WDR64: variants seen among roughly 807,000 people sequenced by gnomAD.
WDR64 encodes the protein WD repeat domain 64.
A neutral mutation model predicts 139.3 loss-of-function variants in WDR64; 112 were observed. The observed-to-expected ratio is 0.80, with a 90% CI of 0.69 to 0.94. WDR64 has a LOEUF of 0.94. Ranked by LOEUF, WDR64 falls within the 40% of genes least tolerant of loss-of-function variation. The pLI is 0.00. For missense variants in WDR64, 1,206 were observed against 1,293.1 expected (o/e 0.93, Z 1.03); for synonymous variants, 444 against 437.7 (o/e 1.01, Z -0.18).
At chr1:241,667,840 A>T (rs1401626489) in intron 2 of WDR64, among the ~76,000 whole-genome samples, 1 of 152,262 alleles carries the variant, frequency 6.6e-6, no homozygotes, top group Non-Finnish European at 1.5e-5. Flanking sequence ...CTGACAGCCA[A>T]TAAGTGGAAA....
intron 22 of WDR64, among the ~76,000 whole-genome samples, chr1:241,780,876 T>A (rs1411578437): frequency 1.3e-5 from 2 of 152,168 alleles, no homozygotes; most frequent in African/African-American, 2.4e-5. Flanking sequence ...GGGGTTCTGA[T>A]TGCTAATCCA....
In WDR64 at chr1:241,660,674, A is replaced by G; in HGVS notation, c.276+14A>G. 1 of 1,544,832 alleles carries G rather than the reference A, an allele frequency of 6.5e-7. No homozygotes were observed. Among genetic ancestry groups the G allele is most frequent in the Non-Finnish European group, 8.7e-7 (1 of 1,144,594 alleles). On this transcript the variant is annotated intron_variant, in intron 2 of 27. Coordinates refer to ENST00000437684, the MANE Select transcript of WDR64 (RefSeq NM_001367482.1). ...GACTGGTGTGAGGTAGACTCATTTC[A>G]TGTTCATAATATGAAATCCAGGTAT...
intron 27 of WDR64, among the ~76,000 whole-genome samples, chr1:241,799,202 C>A (rs1371636970): frequency 3.3e-4 from 11 of 33,328 alleles, no homozygotes; most frequent in East Asian, 8.7e-4. Context: ...TTTGTCTCTC[C>A]AAAAAAAAAA....
intron 15 of WDR64, among the ~76,000 whole-genome samples, chr1:241,758,894 C>A (rs1222100001): frequency 6.6e-6 from 1 of 152,096 alleles, no homozygotes; most frequent in East Asian, 1.9e-4. Flanking sequence ...TATTTTTAGA[C>A]TTTTTCAATA....
At chr1:241,719,993 C>T (rs911297953) in intron 9 of WDR64, among the ~76,000 whole-genome samples, 2 of 152,110 alleles carry the variant, frequency 1.3e-5, no homozygotes, top group Non-Finnish European at 1.5e-5. Context: ...TGTTCCCCAC[C>T]GTGAGTCCAT....
At position 241,652,325 on chromosome 1, in the gene WDR64, T is replaced by A; in HGVS notation, c.-160T>A. 1 of 681,666 alleles carries A rather than the reference T, an allele frequency of 1.5e-6. No individual in the cohort carries two copies. The highest frequency in any genetic ancestry group is 2.1e-5 in the South Asian group (1 of 46,928). The allele number at this position is 681,666 out of a possible 1,614,324, so 42.2% of individuals were successfully genotyped here. On this transcript the variant is annotated 5_prime_UTR_variant, in exon 1 of 28. Coordinates refer to ENST00000437684, the MANE Select transcript of WDR64 (RefSeq NM_001367482.1). The stretch of plus-strand genomic sequence containing the variant: ...TCCCTGCTAACATCCTAGTGGCAAC[T>A]CTTACTCCTACCCGCACTATGGGAT...
chr1:241,688,682 C>A (rs1051427239), intron 8 of WDR64, among the ~76,000 whole-genome samples: 7 of 152,170 alleles, frequency 4.6e-5, no homozygotes, highest in African/African-American at 1.7e-4. Flanking sequence ...CTGGGAATCA[C>A]AACTTACTGG....
At chr1:241,722,780 C>T (rs1047771148) in intron 9 of WDR64, among the ~76,000 whole-genome samples, 3 of 152,074 alleles carry the variant, frequency 2.0e-5, no homozygotes, top group African/African-American at 7.2e-5. Context: ...CATATTTATT[C>T]TATGGTAGTA....
chr1:241,751,200 G>A (rs1471003425), intron 14 of WDR64, among the ~76,000 whole-genome samples: 1 of 152,164 alleles, frequency 6.6e-6, no homozygotes, highest in African/African-American at 2.4e-5. Context: ...AGTGTTGTGA[G>A]TGCTTTCACA....
rs2148117857 is a variant in WDR64 at position 241,687,513 on chromosome 1, G to A, written c.892G>A (p.Ala298Thr). 3 of 1,613,816 alleles carry A rather than the reference G, an allele frequency of 1.9e-6. No individual in the cohort carries two copies. The East Asian group carries it at 6.7e-5, about 36-fold the overall frequency. ...GGTTATGAAAATTAGATATATTTCAGCCCTAAATTGTTTTGGATCCTGCTC... is the reference window on the plus strand; with the variant it reads ...GGTTATGAAAATTAGATATATTTCAACCCTAAATTGTTTTGGATCCTGCTC... The part of the protein sequence containing the change: ...DWVMKIRYIS[A>T]LNCFGSCSLD... Residue 298 changes from alanine to threonine, a missense_variant, in exon 8 of 28, where the codon GCC (alanine) becomes ACC (threonine). Transcript: ENST00000437684.
chr1:241,736,909 T>G (rs556310356), intron 10 of WDR64, among the ~76,000 whole-genome samples: 1 of 152,344 alleles, frequency 6.6e-6, no homozygotes, highest in East Asian at 1.9e-4. Context: ...TCTCTTGTTC[T>G]TTTTGTCAGT....
chr1:241,766,113 G>T, intron 15 of WDR64, 105 bp from the exon 16 acceptor site: 1 of 1,025,692 alleles, frequency 9.7e-7, no homozygotes, highest in Non-Finnish European at 1.3e-6. Flanking sequence ...TATATAATAA[G>T]GCATTTTGTT....
chr1:241,786,710 C>T (rs7518141), intron 23 of WDR64, among the ~76,000 whole-genome samples: 1 of 152,184 alleles, frequency 6.6e-6, no homozygotes, highest in African/African-American at 2.4e-5. Context: ...AAGTAGCCAG[C>T]TGAGATACAG....
intron 13 of WDR64, 120 bp from the exon 14 acceptor site, chr1:241,749,427 A>G: frequency 8.5e-7 from 1 of 1,176,928 alleles, no homozygotes; most frequent in East Asian, 2.4e-5. Context: ...CTGAGTAGGG[A>G]ATAAATATAG....
chr1:241,741,697 A>G (rs769224234), intron 12 of WDR64, 33 bp downstream of exon 12: 19 of 1,542,790 alleles, frequency 1.2e-5, no homozygotes, highest in Non-Finnish European at 1.6e-5. Context: ...AACAGAAAAA[A>G]AGGCAATGCA....
At chr1:241,762,242 T>C (rs368593773) in intron 15 of WDR64, among the ~76,000 whole-genome samples, 3 of 152,220 alleles carry the variant, frequency 2.0e-5, no homozygotes, top group Admixed American at 1.3e-4. Flanking sequence ...AACATTCACG[T>C]TGTACATCTC....
chr1:241,670,619 T>C (rs1030691416), intron 2 of WDR64, among the ~76,000 whole-genome samples: 15 of 152,296 alleles, frequency 9.8e-5, no homozygotes, highest in South Asian at 8.3e-4. Context: ...CACCAGTCCA[T>C]GGACTGTTAG....
chr1:241,723,898 G>C (rs2148201834), intron 10 of WDR64, among the ~76,000 whole-genome samples: 1 of 151,914 alleles, frequency 6.6e-6, no homozygotes, highest in Admixed American at 6.6e-5. Flanking sequence ...TTCAGTGTAG[G>C]AATAGATAAA....
At chr1:241,704,615 ATTTTTTAT>A (rs1667863201) in intron 8 of WDR64, among the ~76,000 whole-genome samples, 2 of 152,160 alleles carry the variant, frequency 1.3e-5, no homozygotes, top group African/African-American at 2.4e-5. Flanking sequence ...TCCTATCATT[ATTTTTTAT>A]AGGAAAATAG....
Sources: gnomAD v4.1 joint callset for allele counts (sites outside exome capture counted in the v4.1 genomes callset) on GRCh38, gnomAD v4.1.1 for gene constraint, MANE v1.5 for transcripts, NCBI Gene and HGNC (gene_info 2026-07-23, HGNC 2026-07-21) for gene names.